The following SIK3 variants were observed in gnomAD, a reference collection of about 807,000 sequenced individuals.
The protein encoded by SIK3 is serine/threonine-protein kinase SIK3.
In SIK3, 28 loss-of-function variants were observed where a neutral mutation model predicts 144.2. That is an observed-to-expected ratio of 0.19 (90% confidence interval 0.14 to 0.27). The LOEUF (loss-of-function observed/expected upper bound fraction) is 0.27. Among genes scored for constraint, SIK3 ranks in the 10% least tolerant of loss-of-function variants. The pLI is 1.00. For synonymous variants in SIK3, 686 were observed against 676.3 expected (o/e 1.01, Z -0.22); for missense variants, 1,319 against 1,776.0 (o/e 0.74, Z 4.62).
intron 1 of SIK3, among the ~76,000 whole-genome samples, chr11:117,062,402 C>G (rs1048313113): frequency 6.6e-6 from 1 of 152,130 alleles, no homozygotes; most frequent in African/African-American, 2.4e-5. Flanking sequence ...AAATGGGCCA[C>G]AACGTGCATT....
chr11:116,870,519 CT>C, intron 13 of SIK3, 118 bp from the exon 14 acceptor site: 6 of 1,369,408 alleles, frequency 4.4e-6, no homozygotes, highest in Admixed American at 2.1e-5. Context: ...CAGAACTTTT[CT>C]AGACTCCTGG....
chr11:117,019,966 G>A (rs1951699431), intron 1 of SIK3, among the ~76,000 whole-genome samples: 1 of 151,874 alleles, frequency 6.6e-6, no homozygotes, highest in Non-Finnish European at 1.5e-5. Flanking sequence ...TGAGCCATAA[G>A]GAGCTACACT....
chr11:116,860,935 T>C (rs1591397049), intron 19 of SIK3, among the ~76,000 whole-genome samples: 1 of 152,214 alleles, frequency 6.6e-6, no homozygotes, highest in Admixed American at 6.5e-5. Context: ...GCCTTGCTTC[T>C]CCTTCTGCCA....
At chr11:116,983,385 C>T (rs990639665) in intron 1 of SIK3, among the ~76,000 whole-genome samples, 2 of 151,834 alleles carry the variant, frequency 1.3e-5, no homozygotes, top group Non-Finnish European at 2.9e-5. Flanking sequence ...CAAAAATTAG[C>T]CAGGCATGTT....
chr11:117,024,444 G>A (rs1302033734), intron 1 of SIK3, among the ~76,000 whole-genome samples: 1 of 151,882 alleles, frequency 6.6e-6, no homozygotes, highest in Admixed American at 6.6e-5. Context: ...TAGCAAAGAA[G>A]AATAAAGACT....
chr11:117,013,716 G>A (rs1172374335), intron 1 of SIK3, among the ~76,000 whole-genome samples: 2 of 151,508 alleles, frequency 1.3e-5, no homozygotes, highest in South Asian at 2.1e-4. Context: ...AATGCTTCCA[G>A]TGCTATCTAC....
intron 1 of SIK3, among the ~76,000 whole-genome samples, chr11:116,992,318 C>CA (rs1950525673): frequency 1.6e-5 from 2 of 121,578 alleles, no homozygotes; most frequent in South Asian, 5.6e-4. Context: ...GAGCAAGACC[C>CA]CCCCCCCCAA....
rs1315898898 is a variant in SIK3, at chr11:116,867,043, C to G, written c.1952+903G>C. Reference sequence around the variant, plus strand: ...AATGTGTCAAGCTTGCCAGTGCAAGCTGGCTGCAAGATTTCATAACACCAC... The same window carrying G: ...AATGTGTCAAGCTTGCCAGTGCAAGGTGGCTGCAAGATTTCATAACACCAC... On this transcript the variant is annotated intron_variant, in intron 15 of 24. Coordinates refer to ENST00000445177, the MANE Select transcript of SIK3 (RefSeq NM_001366686.3). The surrounding 1 kb of genome is among the most constrained non-coding windows in gnomAD (Gnocchi z 4.1). 1.3e-5 allele frequency among the ~76,000 whole-genome samples: 2 copies of G among 152,204 alleles called. No individual in the cohort carries two copies. The highest frequency in any genetic ancestry group is 4.8e-5 in the African/African-American group (2 of 41,446).
At chr11:116,950,668 T>C (rs137907352) in intron 3 of SIK3, among the ~76,000 whole-genome samples, 2 of 152,346 alleles carry the variant, frequency 1.3e-5, no homozygotes, top group African/African-American at 2.4e-5. Context: ...CTGCTCAACT[T>C]ACTGGAACAC....
rs886447259 is a variant in SIK3 at position 116,861,678 on chromosome 11, T to C, written c.2315+163A>G. Among the ~76,000 whole-genome samples, 3 of 152,144 alleles carry C rather than the reference T, an allele frequency of 2.0e-5. No individual in the cohort carries two copies. In the East Asian group the frequency reaches 5.8e-4, roughly 29 times the overall value. ...AAGGAAATGAAGTGGCACAGGAAGT[T>C]GGGATTTCAAGAAGGCTCCTGAAAT... On this transcript the variant is annotated intron_variant, in intron 18 of 24. Transcript: ENST00000445177.
At chr11:117,013,581 G>T (rs943489168) in intron 1 of SIK3, among the ~76,000 whole-genome samples, 3 of 151,658 alleles carry the variant, frequency 2.0e-5, no homozygotes, top group Non-Finnish European at 2.9e-5. Flanking sequence ...AATCAAAGCT[G>T]TTAAACTCAG....
chr11:117,093,930 ATAT>A (rs1325822691), intron 1 of SIK3, among the ~76,000 whole-genome samples: 2 of 152,160 alleles, frequency 1.3e-5, no homozygotes, highest in Non-Finnish European at 1.5e-5. Flanking sequence ...TATGTCCATA[ATAT>A]TATTATGTTA....
At position 116,849,360 on chromosome 11, in the gene SIK3, TTGCAAGGGACAA is replaced by T; in HGVS notation, c.3656-89_3656-78del. ...TGGAAACTCCCATCCAAGAAATGTC[TTGCAAGGGACAA>T]TGGGCAAGGCTGAGGAGATCATGTA... On this transcript the variant is annotated intron_variant, in intron 21 of 24. Coordinates refer to ENST00000445177, the MANE Select transcript of SIK3 (RefSeq NM_001366686.3). The surrounding 1 kb of genome is among the most constrained non-coding windows in gnomAD (Gnocchi z 4.2). The T allele has an allele frequency of 1.3e-6, 2 of 1,569,126 alleles. No individual in the cohort carries two copies. Among genetic ancestry groups the T allele is most frequent in the Non-Finnish European group, 1.7e-6 (2 of 1,146,610 alleles).
intron 1 of SIK3, 21 bp downstream of exon 1, chr11:117,098,122 G>A (rs775757890): frequency 1.4e-6 from 2 of 1,449,414 alleles, no homozygotes; most frequent in South Asian, 1.3e-5. Context: ...TCCGACTGCC[G>A]CCTGGCCCCT....
chr11:117,012,507 T>A (rs1006406144), intron 1 of SIK3, among the ~76,000 whole-genome samples: 2 of 152,220 alleles, frequency 1.3e-5, no homozygotes, highest in Non-Finnish European at 2.9e-5. Context: ...TTTCATCATC[T>A]TCTAATGCTA....
intron 6 of SIK3, among the ~76,000 whole-genome samples, chr11:116,886,612 A>G (rs2134663499): frequency 6.6e-6 from 1 of 152,346 alleles, no homozygotes; most frequent in African/African-American, 2.4e-5. Flanking sequence ...ATTGTCCACA[A>G]GAGATCTCTA....
At chr11:117,063,621 T>C (rs999535549) in intron 1 of SIK3, among the ~76,000 whole-genome samples, 3 of 150,984 alleles carry the variant, frequency 2.0e-5, no homozygotes, top group Non-Finnish European at 4.4e-5. Context: ...AATCTCACCC[T>C]GTTGCCCAGG....
In SIK3 at chr11:116,990,317, T is replaced by C. The variant is rs1459013520; in HGVS notation, c.274-33253A>G. On this transcript the variant is annotated intron_variant, in intron 1 of 24. Transcript: ENST00000445177. The stretch of plus-strand genomic sequence containing the variant: ...AAGAGTGTCTAGACCTGAGGAGGAG[T>C]AGACCTGCCAACATCAGAGCACTCC... 2.0e-5 allele frequency among the ~76,000 whole-genome samples: 3 copies of C among 151,778 alleles called. No homozygotes were observed. The East Asian group carries it at 5.8e-4, about 29-fold the overall frequency.
rs944682388 is a variant in SIK3 at position 116,896,445 on chromosome 11, G to A, written c.742-69C>T. 3 of 1,533,732 alleles carry A rather than the reference G, an allele frequency of 2.0e-6. No individual in the cohort carries two copies. The African/African-American group carries it at 4.1e-5, about 21-fold the overall frequency. The stretch of plus-strand genomic sequence containing the variant: ...GAAACAAAAAAGACTACTGTAGTGT[G>A]TGTATGCAGATGATGGTGAGTCATG... On this transcript the variant is annotated intron_variant, in intron 5 of 24. Coordinates refer to ENST00000445177, the MANE Select transcript of SIK3 (RefSeq NM_001366686.3).
Sources: gnomAD v4.1 joint callset for allele counts (sites outside exome capture counted in the v4.1 genomes callset) on GRCh38, gnomAD v4.1.1 for gene constraint, Gnocchi (gnomAD v3.1) non-coding constraint, MANE v1.5 for transcripts, NCBI Gene and HGNC (gene_info 2026-07-23, HGNC 2026-07-21) for gene names.